Variants in ADGRA2 observed in about 807,000 individuals in gnomAD.
ADGRA2 encodes G-protein coupled receptor 124.
Under a neutral mutation model 98.7 loss-of-function variants are expected in ADGRA2, and 61 were observed. The ratio of observed to expected loss-of-function variants is 0.62; its 90% CI spans 0.50 to 0.76. ADGRA2 has a LOEUF of 0.76. Ranked by LOEUF, ADGRA2 falls within the 30% of genes least tolerant of loss-of-function variation. ADGRA2 has a pLI of 0.00. For synonymous variants in ADGRA2, 858 were observed against 831.5 expected, an observed-to-expected ratio of 1.03 and a Z score of -0.55; for missense variants, 1,712 against 1,860.0, an observed-to-expected ratio of 0.92 and a Z score of 1.46.
At chr8:37,816,596 AC>A (rs1563342110) in intron 2 of ADGRA2, among the ~76,000 whole-genome samples, 1,041 of 78,356 alleles carry the variant, frequency 0.013, 15 homozygotes, top group African/African-American at 0.048. Context: ...CGTCTCAAAC[AC>A]ACACACACAC....
At chr8:37,807,198 G>A (rs1046796570) in intron 1 of ADGRA2, among the ~76,000 whole-genome samples, 25 of 152,342 alleles carry the variant, frequency 1.6e-4, no homozygotes, top group African/African-American at 5.0e-4. Flanking sequence ...GGGTGGCAGG[G>A]AAGTGCAGGA....
chr8:37,839,858 G>T (rs187154113), intron 16 of ADGRA2, among the ~76,000 whole-genome samples: 1 of 151,868 alleles, frequency 6.6e-6, no homozygotes, highest in Non-Finnish European at 1.5e-5. Flanking sequence ...AAATGGAGAC[G>T]TGCAGTGGTG....
chr8:37,831,463 G>A lies in ADGRA2; in HGVS notation c.973G>A (p.Glu325Lys), dbSNP rs751596098. Reference protein sequence around the residue: ...LSHIGVWASGEWECTVSMAQG... With the variant: ...LSHIGVWASGKWECTVSMAQG... ...TCACATCGGCGTGTGGGCCTCAGGCGAGTGGGAGTGCACCGTGTCCATGGC... is the reference window on the plus strand; with the variant it reads ...TCACATCGGCGTGTGGGCCTCAGGCAAGTGGGAGTGCACCGTGTCCATGGC... The change falls in exon 8 of 19, where the codon GAG becomes AAG. Residue 325 changes from glutamate (E) to lysine (K), a missense_variant. By Grantham distance (56) the Glu-to-Lys change is moderately conservative (BLOSUM62 1). Coordinates refer to ENST00000412232, the MANE Select transcript of ADGRA2 (RefSeq NM_032777.10). 30 of 1,613,188 alleles carry A rather than the reference G, an allele frequency of 1.9e-5. No individual in the cohort carries two copies. The highest frequency in any genetic ancestry group is 3.3e-5 in the Admixed American group (2 of 60,030).
chr8:37,812,936 G>C (rs111766411), intron 1 of ADGRA2, among the ~76,000 whole-genome samples: 4 of 151,920 alleles, frequency 2.6e-5, no homozygotes, highest in Non-Finnish European at 4.4e-5. Context: ...TGATCTGCCC[G>C]TCCCAGCCTC....
chr8:37,842,327 G>C lies in ADGRA2; in HGVS notation c.3989G>C (p.Gly1330Ala). 1 of 1,518,994 alleles carries C rather than the reference G, an allele frequency of 6.6e-7. No homozygotes were observed. The allele number at this position is 1,518,994 out of a possible 1,614,324, so 94.1% of individuals were successfully genotyped here. A position where few individuals can be genotyped will look rare whatever the true frequency, so the allele number is the denominator to read the frequency against. Residue 1330 changes from glycine (G) to alanine (A), a missense_variant, in exon 19 of 19, where the codon GGA becomes GCA. Gly to Ala is a moderately conservative substitution (Grantham distance 60, BLOSUM62 0). Coordinates refer to ENST00000412232, the MANE Select transcript of ADGRA2 (RefSeq NM_032777.10). ...GCCAGCGGCGGCTGCATGAAGACCG[G>C]ACTCTGGAAGAGCGAAACTACCGTC... ...EVASGGCMKT[G>A]LWKSETTV is the part of the protein sequence containing the mutation.
rs1198824457 is a variant in ADGRA2, at chr8:37,839,523, C to G, written c.2412C>G (p.Gly804=). The change falls in exon 16 of 19, where the codon GGC becomes GGG. Residue 804 remains glycine, a synonymous_variant. Coordinates refer to ENST00000412232, the MANE Select transcript of ADGRA2 (RefSeq NM_032777.10). ...NHSSIRVSRK[G]WHMLLNLCFH... ...GCTCCATCCGTGTGTCCCGGAAAGG[C>G]TGGCACATGCTGCTGAACTTGTGCT... 9 of 1,614,048 alleles carry G rather than the reference C, an allele frequency of 5.6e-6. No homozygotes were observed. The highest frequency in any genetic ancestry group is 6.8e-6 in the Non-Finnish European group (8 of 1,180,034).
intron 1 of ADGRA2, among the ~76,000 whole-genome samples, chr8:37,798,665 C>T (rs7827048): frequency 0.6 from 91,707 of 152,170 alleles, 28,762 homozygotes; most frequent in African/African-American, 0.78. Context: ...GTTTCTCCAC[C>T]GCCCCTTGCC....
At chr8:37,803,199 A>T (rs1804558618) in intron 1 of ADGRA2, among the ~76,000 whole-genome samples, 1 of 152,198 alleles carries the variant, frequency 6.6e-6, no homozygotes, top group South Asian at 2.1e-4. Flanking sequence ...TGGGAGAAGA[A>T]CCCTTTCCTG....
At chr8:37,819,449 C>A (rs889252153) in intron 2 of ADGRA2, among the ~76,000 whole-genome samples, 30 of 152,160 alleles carry the variant, frequency 2.0e-4, no homozygotes, top group African/African-American at 6.8e-4. Context: ...TCCAGTGCAA[C>A]CTCTGCCTCC....
rs777754259 is a variant in ADGRA2 at position 37,830,004 on chromosome 8, G to A, written c.708G>A (p.Gln236=). 4 of 1,566,492 alleles carry A rather than the reference G, an allele frequency of 2.6e-6. No homozygotes were observed. Among genetic ancestry groups the A allele is most frequent in the Non-Finnish European group, 3.4e-6 (4 of 1,159,578 alleles). The stretch of plus-strand genomic sequence containing the variant: ...CCCTGGGCAGCCTCCAGGAGGCCCA[G>A]CTCTGCTGCGGTGAGCAAGTCCCCC... ...AQALGSLQEA[Q]LCCEGALELH... The change falls in exon 6 of 19, where the codon CAG becomes CAA. Residue 236 remains glutamine, a synonymous_variant. Transcript: ENST00000412232. This position sits in a 1 kb window ranked among gnomAD's most constrained non-coding sequence, Gnocchi z 4.8.
Position 37,839,544 on chromosome 8 carries a change from G to A in ADGRA2, c.2433G>A (p.Leu811=), listed in dbSNP as rs1291196279. The change falls in exon 16 of 19, where the codon TTG becomes TTA. Residue 811 remains leucine (L), a synonymous_variant. Coordinates refer to ENST00000412232, the MANE Select transcript of ADGRA2 (RefSeq NM_032777.10). ...AAGGCTGGCACATGCTGCTGAACTT[G>A]TGCTTCCACATAGCCATGACCTCTG... is the stretch of plus-strand genomic sequence containing the variant. ...SRKGWHMLLN[L]CFHIAMTSAV... is the part of the protein sequence containing the mutation. The A allele has an allele frequency of 1.9e-6, 3 of 1,614,200 alleles. No individual in the cohort carries two copies. The highest frequency in any genetic ancestry group is 1.7e-6 in the Non-Finnish European group (2 of 1,180,048).
chr8:37,842,249 G>T lies in ADGRA2; in HGVS notation c.3911G>T (p.Gly1304Val), dbSNP rs1416113763. The change falls in exon 19 of 19, where the codon GGC becomes GTC. Residue 1304 changes from glycine to valine, a missense_variant. Transcript: ENST00000412232. ...SYPLNAASLNGAPKGGKYDDV... is the reference protein window; with the variant it reads ...SYPLNAASLNVAPKGGKYDDV... ...CCGCTCAACGCCGCCAGCCTAAACG[G>T]CGCCCCCAAGGGGGGCAAGTACGAC... 1 of 1,556,896 alleles carries T rather than the reference G, an allele frequency of 6.4e-7. No individual in the cohort carries two copies.
chr8:37,837,476 C>T (rs1805652383), intron 13 of ADGRA2, among the ~76,000 whole-genome samples: 1 of 152,206 alleles, frequency 6.6e-6, no homozygotes, highest in Non-Finnish European at 1.5e-5. Flanking sequence ...GACATCACTG[C>T]TCATCCAGCA....
intron 2 of ADGRA2, among the ~76,000 whole-genome samples, chr8:37,817,621 C>T (rs891392430): frequency 5.9e-5 from 9 of 152,012 alleles, no homozygotes; most frequent in Non-Finnish European, 8.8e-5. Context: ...AGGTGGGAAT[C>T]GCTTGAGCTG....
intron 1 of ADGRA2, among the ~76,000 whole-genome samples, chr8:37,803,315 C>T (rs573573354): frequency 6.6e-6 from 1 of 152,236 alleles, no homozygotes; most frequent in African/African-American, 2.4e-5. Flanking sequence ...GGAGAGTTCC[C>T]GGACAGCCTG....
chr8:37,826,440 G>A (rs1422880132), intron 2 of ADGRA2, among the ~76,000 whole-genome samples: 1 of 152,146 alleles, frequency 6.6e-6, no homozygotes, highest in Non-Finnish European at 1.5e-5. Flanking sequence ...CGGTCCCTGT[G>A]TGCGCCTCAC....
At position 37,841,687 on chromosome 8, in the gene ADGRA2, C is replaced by T. The variant is rs1380251423; in HGVS notation, c.3349C>T (p.Leu1117Phe). Reference sequence around the variant, plus strand: ...GGTGTTCGGGGAGGGCCCCCCCTCCCTCAAGTCCTCCCCAAGCGGCAGCAG... The same window carrying T: ...GGTGTTCGGGGAGGGCCCCCCCTCCTTCAAGTCCTCCCCAAGCGGCAGCAG... ...SPVFGEGPPSLKSSPSGSSGH... is the reference protein window; with the variant it reads ...SPVFGEGPPSFKSSPSGSSGH... The change falls in exon 19 of 19, where the codon CTC becomes TTC. Residue 1117 changes from leucine (L) to phenylalanine (F), a missense_variant. Coordinates refer to ENST00000412232, the MANE Select transcript of ADGRA2 (RefSeq NM_032777.10). The surrounding 1 kb of genome is among the most constrained non-coding windows in gnomAD (Gnocchi z 5.0). 3 of 1,536,562 alleles carry T rather than the reference C, an allele frequency of 2.0e-6. No individual in the cohort carries two copies. In the African/African-American group the frequency reaches 4.1e-5, roughly 21 times the overall value.
At position 37,802,191 on chromosome 8, in the gene ADGRA2, G is replaced by T. The variant is rs1804528372; in HGVS notation, c.266+4657G>T. The stretch of plus-strand genomic sequence containing the variant: ...CTCTGGACCTCCAGCTGCTGGCTGG[G>T]ACTCACTTCAGGGCCCCTCGTTACA... On this transcript the variant is annotated intron_variant, in intron 1 of 18. Coordinates refer to ENST00000412232, the MANE Select transcript of ADGRA2 (RefSeq NM_032777.10). The surrounding 1 kb of genome is among the most constrained non-coding windows in gnomAD (Gnocchi z 4.7). 6.6e-6 allele frequency among the ~76,000 whole-genome samples: 1 copy of T among 152,196 alleles called. No individual in the cohort carries two copies. Among genetic ancestry groups the T allele is most frequent in the Non-Finnish European group, 1.5e-5 (1 of 68,040 alleles).
In ADGRA2 at chr8:37,841,257, G is replaced by A. The variant is rs774366183; in HGVS notation, c.2919G>A (p.Leu973=). ...SRASLEAGEE[L]RGSTRLRGSG... Reference sequence around the variant, plus strand: ...CCTCCCTGGAGGCAGGGGAGGAGCTGAGGGGTTCCACCAGGCTCAGGGGCA... The same window carrying A: ...CCTCCCTGGAGGCAGGGGAGGAGCTAAGGGGTTCCACCAGGCTCAGGGGCA... Residue 973 remains leucine, a synonymous_variant, in exon 19 of 19, where the codon CTG becomes CTA. Coordinates refer to ENST00000412232, the MANE Select transcript of ADGRA2 (RefSeq NM_032777.10). The surrounding 1 kb of genome is among the most constrained non-coding windows in gnomAD (Gnocchi z 5.0). 1.1e-5 allele frequency: 18 copies of A among 1,613,290 alleles called. No individual in the cohort carries two copies. In the South Asian group the frequency reaches 1.9e-4, roughly 17 times the overall value.
Sources: gnomAD v4.1 joint callset for allele counts (sites outside exome capture counted in the v4.1 genomes callset) on GRCh38, gnomAD v4.1.1 for gene constraint, Gnocchi (gnomAD v3.1) non-coding constraint, MANE v1.5 for transcripts, NCBI Gene and HGNC (gene_info 2026-07-23, HGNC 2026-07-21) for gene names.